The following DENND4C variants were observed in gnomAD, a reference collection of about 807,000 sequenced individuals.
DENND4C encodes the protein DENN domain containing 4C.
A neutral mutation model predicts 203.0 loss-of-function variants in DENND4C; 108 were observed. That is an observed-to-expected ratio of 0.53 (90% CI 0.46 to 0.62). DENND4C has a LOEUF of 0.62. Among genes scored for constraint, DENND4C ranks in the 20% least tolerant of loss-of-function variants. DENND4C has a pLI of 0.00. For synonymous variants in DENND4C, 871 were observed against 792.4 expected (o/e 1.10, Z -1.67); for missense variants, 2,481 against 2,301.2 (o/e 1.08, Z -1.60).
intron 10 of DENND4C, among the ~76,000 whole-genome samples, chr9:19,311,009 C>A (rs1840629050): frequency 6.6e-6 from 1 of 152,132 alleles, no homozygotes; most frequent in African/African-American, 2.4e-5. Context: ...AGTTGCGGAC[C>A]ATACTTTGTA....
intron 1 of DENND4C, among the ~76,000 whole-genome samples, chr9:19,234,743 A>G (rs947319983): frequency 2.6e-5 from 4 of 151,480 alleles, no homozygotes; most frequent in East Asian, 3.9e-4. Context: ...GCGTTTTGCC[A>G]TATTGCCCAG....
chr9:19,365,305 G>C (rs1472945851), intron 30 of DENND4C, among the ~76,000 whole-genome samples: 1 of 152,164 alleles, frequency 6.6e-6, no homozygotes, highest in Non-Finnish European at 1.5e-5. Flanking sequence ...AAATTCACGT[G>C]ATCATCTCAG....
At position 19,358,226 on chromosome 9, in the gene DENND4C, A is replaced by G; in HGVS notation, c.5160+66A>G. 1 of 1,309,642 alleles carries G rather than the reference A, an allele frequency of 7.6e-7. No homozygotes were observed. The highest frequency in any genetic ancestry group is 2.2e-5 in the Admixed American group (1 of 44,802). The allele number at this position is 1,309,642 out of a possible 1,614,324, so 81.1% of individuals were successfully genotyped here. A position where few individuals can be genotyped will look rare whatever the true frequency, so the allele number is the denominator to read the frequency against. On this transcript the variant is annotated intron_variant, in intron 28 of 32. Transcript: ENST00000434457. The surrounding 1 kb of genome is among the most constrained non-coding windows in gnomAD (Gnocchi z 4.8). ...ACCTAAGTATATAGTAGAACATTAT[A>G]AATTCTTCTGTAGTGGACTTATTTT...
intron 1 of DENND4C, among the ~76,000 whole-genome samples, chr9:19,275,437 G>A (rs1420462569): frequency 6.6e-6 from 1 of 151,354 alleles, no homozygotes; most frequent in East Asian, 1.9e-4. Context: ...GGACTGACAG[G>A]CGCACACCAC....
chr9:19,334,651 A>G (rs1983228), intron 17 of DENND4C, among the ~76,000 whole-genome samples: 11,441 of 150,570 alleles, frequency 0.076, 614 homozygotes, highest in Middle Eastern at 0.23. Context: ...TCAGCTTCCC[A>G]AGTAGCTGGG....
At chr9:19,246,099 T>G (rs1825186524) in intron 1 of DENND4C, among the ~76,000 whole-genome samples, 1 of 152,224 alleles carries the variant, frequency 6.6e-6, no homozygotes, top group South Asian at 2.1e-4. Context: ...TTATATTGAT[T>G]CATTTAATAA....
intron 10 of DENND4C, among the ~76,000 whole-genome samples, chr9:19,305,976 CTGT>C (rs1404793240): frequency 3.3e-5 from 5 of 152,120 alleles, no homozygotes; most frequent in Non-Finnish European, 7.4e-5. Context: ...TTATAAGGAT[CTGT>C]TGTTTACTGC....
chr9:19,277,935 CTT>C (rs1833215398), intron 2 of DENND4C, among the ~76,000 whole-genome samples: 1 of 151,884 alleles, frequency 6.6e-6, no homozygotes, highest in Non-Finnish European at 1.5e-5. Flanking sequence ...CCTTTGTTCT[CTT>C]AGTGTCATGT....
chr9:19,304,507 C>G lies in DENND4C; in HGVS notation c.1312-845C>G, dbSNP rs572779915. On this transcript the variant is annotated intron_variant, in intron 9 of 32. Coordinates refer to ENST00000434457, the MANE Select transcript of DENND4C (RefSeq NM_001330640.2). ...CCAATTGACAGTATTTTTAAGATGT[C>G]AAACATCACTGATGTTTATTTGAAG... Among the ~76,000 whole-genome samples the G allele has an allele frequency of 7.4e-5, 11 of 148,054 alleles. No homozygotes were observed. In the East Asian group the frequency reaches 1.9e-3, roughly 25 times the overall value.
chr9:19,234,536 T>TG (rs1203850431), intron 1 of DENND4C, among the ~76,000 whole-genome samples: 5 of 148,650 alleles, frequency 3.4e-5, no homozygotes, highest in African/African-American at 5.0e-5. Flanking sequence ...GGCTGTTTTT[T>TG]TTTTTTTTTT....
At chr9:19,345,844 C>A (rs1822771819) in intron 22 of DENND4C, 77 bp from the exon 23 acceptor site, 5 of 1,297,302 alleles carry the variant, frequency 3.9e-6, no homozygotes, top group Non-Finnish European at 5.3e-6. Flanking sequence ...CATTCATAAT[C>A]AGGAAAACAA....
chr9:19,289,011 A>C (rs909264900), intron 4 of DENND4C, among the ~76,000 whole-genome samples: 2 of 152,188 alleles, frequency 1.3e-5, no homozygotes, highest in African/African-American at 4.8e-5. Context: ...AAAGGTGTCA[A>C]ACTGCGTCTT....
At chr9:19,238,746 C>T (rs749626038) in intron 1 of DENND4C, among the ~76,000 whole-genome samples, 18 of 143,660 alleles carry the variant, frequency 1.3e-4, no homozygotes, top group South Asian at 2.4e-4. Flanking sequence ...CCCCGTACCC[C>T]GGGTTCAAGT....
At position 19,346,470 on chromosome 9, in the gene DENND4C, T is replaced by C. The variant is rs201297266; in HGVS notation, c.3701T>C (p.Leu1234Ser). Residue 1234 changes from leucine (L) to serine (S), a missense_variant, in exon 23 of 33, where the codon TTA becomes TCA. Physicochemically the swap from Leu to Ser is moderately radical, Grantham distance 145. Transcript: ENST00000434457. ...SKDLRNKRSS[L>S]YGIAKVVQRE... ...GATCTGAGGAATAAGAGAAGTAGTT[T>C]ATATGGTATTGCTAAGGTGGTTCAG... The C allele has an allele frequency of 6.5e-5, 105 of 1,614,036 alleles. No homozygotes were observed. Among genetic ancestry groups the C allele is most frequent in the Non-Finnish European group, 8.7e-5 (103 of 1,180,038 alleles).
intron 1 of DENND4C, among the ~76,000 whole-genome samples, chr9:19,263,672 A>T (rs1321603269): frequency 4.2e-4 from 45 of 106,366 alleles, no homozygotes; most frequent in Admixed American, 2.7e-3. Flanking sequence ...TTTTTTTTTT[A>T]AGACAGAATC....
intron 3 of DENND4C, among the ~76,000 whole-genome samples, chr9:19,287,627 G>A (rs535024743): frequency 4.6e-5 from 7 of 152,184 alleles, no homozygotes; most frequent in Non-Finnish European, 7.4e-5. Context: ...AATTACAGGC[G>A]TGAGCCACCA....
intron 1 of DENND4C, among the ~76,000 whole-genome samples, chr9:19,255,106 G>A (rs145666120): frequency 1.0e-3 from 153 of 152,122 alleles, no homozygotes; most frequent in African/African-American, 3.5e-3. Flanking sequence ...AGATTGTGCC[G>A]TTGCACTCCA....
intron 1 of DENND4C, among the ~76,000 whole-genome samples, chr9:19,255,013 G>T (rs57247813): frequency 0.02 from 3,041 of 151,982 alleles, 109 homozygotes; most frequent in African/African-American, 0.07. Context: ...GTGGAGGGGG[G>T]GCCGCCTGTA....
chr9:19,300,619 G>C (rs1025064695), intron 9 of DENND4C, among the ~76,000 whole-genome samples: 10 of 152,156 alleles, frequency 6.6e-5, no homozygotes, highest in Non-Finnish European at 1.3e-4. Flanking sequence ...AATAAAACCT[G>C]AGAATGAAGC....
Sources: allele counts gnomAD v4.1 joint callset (sites outside exome capture counted in the v4.1 genomes callset), GRCh38; gene constraint gnomAD v4.1.1; non-coding constraint Gnocchi (gnomAD v3.1); transcripts MANE v1.5; gene names NCBI Gene and HGNC (gene_info 2026-07-23, HGNC 2026-07-21).